Variants in CREB5 observed in about 807,000 individuals in gnomAD.
The protein encoded by CREB5 is cAMP responsive element binding protein 5, also known as cyclic AMP-responsive element-binding protein 5.
A neutral mutation model predicts 57.1 loss-of-function variants in CREB5; 19 were observed. The observed-to-expected ratio is 0.33, with a 90% CI of 0.23 to 0.49. The LOEUF is 0.49. Among genes scored for constraint, CREB5 ranks in the 20% least tolerant of loss-of-function variants. CREB5 has a pLI of 0.99. For missense variants in CREB5, 579 were observed against 671.6 expected (o/e 0.86, Z 1.52); for synonymous variants, 238 against 238.3 (o/e 1.00, Z 0.01).
chr7:28,678,158 C>T (rs75984845), intron 5 of CREB5, among the ~76,000 whole-genome samples: 11,647 of 152,192 alleles, frequency 0.077, 614 homozygotes, highest in East Asian at 0.15. Flanking sequence ...GAGGCCAAGG[C>T]GGGTGGATTA....
intron 1 of CREB5, among the ~76,000 whole-genome samples, chr7:28,342,279 G>A (rs180694809): frequency 8.5e-5 from 13 of 152,198 alleles, no homozygotes; most frequent in South Asian, 6.2e-4. Flanking sequence ...CCTTGGTCAC[G>A]GTGTGGAAGG....
intron 1 of CREB5, among the ~76,000 whole-genome samples, chr7:28,337,256 C>G (rs1785841512): frequency 6.6e-6 from 1 of 152,004 alleles, no homozygotes; most frequent in African/African-American, 2.4e-5. Context: ...TGTTGATTTT[C>G]TATCTGGATG....
At chr7:28,816,443 T>C (rs1336304770) in intron 9 of CREB5, among the ~76,000 whole-genome samples, 1 of 152,220 alleles carries the variant, frequency 6.6e-6, no homozygotes, top group African/African-American at 2.4e-5. Flanking sequence ...TCTTGTTTGA[T>C]TAAGTGATTT....
intron 1 of CREB5, among the ~76,000 whole-genome samples, chr7:28,343,827 C>G (rs1785983360): frequency 6.6e-6 from 1 of 152,170 alleles, no homozygotes; most frequent in Non-Finnish European, 1.5e-5. Flanking sequence ...CAACAGTGCA[C>G]AAGGATTCTC....
chr7:28,715,473 A>G lies in CREB5; in HGVS notation c.465-3280A>G, dbSNP rs573720543. On this transcript the variant is annotated intron_variant, in intron 5 of 10. Coordinates refer to ENST00000357727, the MANE Select transcript of CREB5 (RefSeq NM_182898.4). ...GCAATAGAAAAAGTTTTATGCAAGT[A>G]TAATGTATTAAATAATAATTCTAGT... is the stretch of plus-strand genomic sequence containing the variant. Among the ~76,000 whole-genome samples, 58 of 152,360 alleles carry G rather than the reference A, an allele frequency of 3.8e-4. No individual in the cohort carries two copies. In the South Asian group the frequency reaches 0.012, roughly 30 times the overall value.
intron 5 of CREB5, among the ~76,000 whole-genome samples, chr7:28,685,045 A>G (rs1157124838): frequency 3.3e-5 from 5 of 152,148 alleles, no homozygotes; most frequent in African/African-American, 1.2e-4. Context: ...CCACCTCCCC[A>G]GGCTGTTTTT....
chr7:28,518,009 TAGA>T (rs1258621330), intron 4 of CREB5, among the ~76,000 whole-genome samples: 2 of 152,212 alleles, frequency 1.3e-5, no homozygotes, highest in Non-Finnish European at 2.9e-5. Context: ...GTTTTGAAGC[TAGA>T]AGAAGGCTGT....
At chr7:28,595,570 A>G (rs1796665127) in intron 5 of CREB5, among the ~76,000 whole-genome samples, 2 of 152,154 alleles carry the variant, frequency 1.3e-5, no homozygotes, top group Non-Finnish European at 2.9e-5. Flanking sequence ...CAAGTACCCC[A>G]CTGTGCAACT....
At chr7:28,575,320 G>A (rs1414728431) in intron 5 of CREB5, among the ~76,000 whole-genome samples, 1 of 152,182 alleles carries the variant, frequency 6.6e-6, no homozygotes, top group African/African-American at 2.4e-5. Context: ...TGAGGGTTTT[G>A]TGTCATTGTT....
intron 5 of CREB5, among the ~76,000 whole-genome samples, chr7:28,651,616 T>C (rs1799131421): frequency 6.6e-6 from 1 of 152,112 alleles, no homozygotes; most frequent in Non-Finnish European, 1.5e-5. Flanking sequence ...CCTTTCTATT[T>C]CTGTTTCAAC....
At chr7:28,590,506 C>T (rs1796462329) in intron 5 of CREB5, among the ~76,000 whole-genome samples, 1 of 121,592 alleles carries the variant, frequency 8.2e-6, no homozygotes, top group Non-Finnish European at 1.6e-5. Context: ...GGAAGGGGAA[C>T]ATCACACACC....
Position 28,735,109 on chromosome 7 carries a change from T to G in CREB5, c.702+10777T>G, listed in dbSNP as rs555913358. On this transcript the variant is annotated intron_variant, in intron 7 of 10. Coordinates refer to ENST00000357727, the MANE Select transcript of CREB5 (RefSeq NM_182898.4). ...TTTAAAATACACTTAATCGTTTTGG[T>G]TTTTTTTGTTTTTTTGTGTGTGGAT... 1.4e-3 allele frequency among the ~76,000 whole-genome samples: 208 copies of G among 144,674 alleles called. 2 individuals are homozygous for G. Among genetic ancestry groups the G allele is most frequent in the African/African-American group, 5.0e-3 (193 of 38,952 alleles). The allele number at this position is 144,674 out of a possible 152,430, so 94.9% of individuals were successfully genotyped here. A position where few individuals can be genotyped will look rare whatever the true frequency, so the allele number is the denominator to read the frequency against.
intron 5 of CREB5, among the ~76,000 whole-genome samples, chr7:28,616,667 CAG>C (rs1319249146): frequency 1.3e-5 from 2 of 152,072 alleles, no homozygotes; most frequent in Admixed American, 1.3e-4. Context: ...GCACTCCAAC[CAG>C]AGAGGCAGTT....
At chr7:28,306,545 TGTTTTTTTTG>T (rs1451264964) in intron 1 of CREB5, among the ~76,000 whole-genome samples, 1,108 of 52,428 alleles carry the variant, frequency 0.021, 85 homozygotes, top group African/African-American at 0.058. Context: ...GATACAGTTT[TGTTTTTTTTG>T]TTTTTTTTTT....
At chr7:28,534,464 A>G (rs1793870610) in intron 4 of CREB5, among the ~76,000 whole-genome samples, 1 of 152,212 alleles carries the variant, frequency 6.6e-6, no homozygotes, top group Non-Finnish European at 1.5e-5. Flanking sequence ...CTTGTAAGCT[A>G]TGTAGCAATT....
At chr7:28,697,718 A>G (rs897846884) in intron 5 of CREB5, among the ~76,000 whole-genome samples, 21 of 152,206 alleles carry the variant, frequency 1.4e-4, no homozygotes, top group African/African-American at 4.8e-4. Context: ...CTGTAGGACC[A>G]TCGTTCTTTT....
At chr7:28,472,852 CT>C (rs1221269982) in intron 1 of CREB5, among the ~76,000 whole-genome samples, 1 of 152,132 alleles carries the variant, frequency 6.6e-6, no homozygotes, top group Non-Finnish European at 1.5e-5. Context: ...GGCTTGCCTG[CT>C]TTTTTCTCTT....
At chr7:28,533,598 T>C (rs771788755) in intron 4 of CREB5, among the ~76,000 whole-genome samples, 1 of 152,254 alleles carries the variant, frequency 6.6e-6, no homozygotes, top group Non-Finnish European at 1.5e-5. Context: ...TCCCCACTTA[T>C]AATTTCTAAA....
chr7:28,742,695 A>C (rs1804442038), intron 7 of CREB5, among the ~76,000 whole-genome samples: 1 of 152,200 alleles, frequency 6.6e-6, no homozygotes, highest in Non-Finnish European at 1.5e-5. Flanking sequence ...TTCTTAAAAC[A>C]TAAGTTACTC....
Sources: allele counts gnomAD v4.1 joint callset (sites outside exome capture counted in the v4.1 genomes callset), GRCh38; gene constraint gnomAD v4.1.1; transcripts MANE v1.5; gene names NCBI Gene and HGNC (gene_info 2026-07-23, HGNC 2026-07-21).